The following SMC3 variants were observed in gnomAD, a reference collection of about 807,000 sequenced individuals.
SMC3 encodes structural maintenance of chromosomes 3, also known as structural maintenance of chromosomes protein 3.
SMC3 carries 20 observed loss-of-function variants against 171.8 expected under a neutral mutation model. The observed-to-expected ratio is 0.12, with a 90% CI of 0.08 to 0.17. The LOEUF is 0.17. Ranked by LOEUF, SMC3 falls within the 10% of genes least tolerant of loss-of-function variation. SMC3 has a pLI of 1.00. For synonymous variants in SMC3, 464 were observed against 451.1 expected, an observed-to-expected ratio of 1.03 and a Z score of -0.36; for missense variants, 543 against 1,420.4, an observed-to-expected ratio of 0.38 and a Z score of 9.93.
At chr10:110,581,181 G>A (rs1335857180) in intron 8 of SMC3, among the ~76,000 whole-genome samples, 160 bp downstream of exon 8, 1 of 150,274 alleles carries the variant, frequency 6.7e-6, no homozygotes, top group African/African-American at 2.4e-5. Context: ...AATGATGTTA[G>A]TAGCTTTTAA....
chr10:110,575,236 C>A (rs1346239815), intron 3 of SMC3, 100 bp from the exon 4 acceptor site: 7 of 839,940 alleles, frequency 8.3e-6, no homozygotes, highest in Non-Finnish European at 1.4e-5. Flanking sequence ...TTTGCATTGT[C>A]TATTACCAGA....
In SMC3 at chr10:110,605,892, TGTAAG is replaced by T. The variant is rs1225151099; in HGVS notation, c.*1596_*1600del. Among the ~76,000 whole-genome samples the T allele has an allele frequency of 6.6e-6, 1 of 152,182 alleles. No homozygotes were observed. Among genetic ancestry groups the T allele is most frequent in the African/African-American group, 2.4e-5 (1 of 41,440 alleles). On this transcript the variant is annotated 3_prime_UTR_variant, in exon 29 of 29. Coordinates refer to ENST00000361804, the MANE Select transcript of SMC3 (RefSeq NM_005445.4). ...CAACCCCTTATAATACAGAATTTGG[TGTAAG>T]GTAAGTTCCAGGATTCAATTCAAGG...
chr10:110,603,303 T>C lies in SMC3; in HGVS notation c.3582+13T>C. 1 of 1,433,492 alleles carries C rather than the reference T, an allele frequency of 7.0e-7. No individual in the cohort carries two copies. The highest frequency in any genetic ancestry group is 9.8e-7 in the Non-Finnish European group (1 of 1,018,306). 88.8% of individuals were successfully genotyped at this position (1,433,492 alleles called of 1,614,324 possible). On this transcript the variant is annotated intron_variant, in intron 28 of 28. Transcript: ENST00000361804. ...GTTCAGAAATAAGGTAATTTTATTT[T>C]ACATTGAGTTTAAGTTTGTATTTAT... is the stretch of plus-strand genomic sequence containing the variant.
chr10:110,603,336 T>C (rs748619349), intron 28 of SMC3, 46 bp downstream of exon 28: 3 of 1,190,614 alleles, frequency 2.5e-6, no homozygotes, highest in African/African-American at 1.5e-5. Context: ...TATTCAATTA[T>C]ATTTGTTGAA....
At chr10:110,600,696 C>G in intron 22 of SMC3, 150 bp downstream of exon 22, 1 of 665,474 alleles carries the variant, frequency 1.5e-6, no homozygotes, top group South Asian at 1.7e-5. Context: ...ATTCTGCCAC[C>G]TAGTGTGTGA....
intron 22 of SMC3, 107 bp downstream of exon 22, chr10:110,600,653 G>A: frequency 1.4e-6 from 1 of 725,678 alleles, no homozygotes; most frequent in South Asian, 1.5e-5. Context: ...TTTGGGGACA[G>A]AAAGCTTAGT....
intron 2 of SMC3, among the ~76,000 whole-genome samples, chr10:110,571,350 G>C (rs1028100947): frequency 1.4e-4 from 22 of 152,228 alleles, no homozygotes; most frequent in Admixed American, 8.5e-4. Flanking sequence ...AGAAGAGACA[G>C]GTGGTTTGCA....
At chr10:110,590,044 G>A (rs915329927) in intron 15 of SMC3, 53 bp downstream of exon 15, 96 of 1,485,806 alleles carry the variant, frequency 6.5e-5, no homozygotes, top group Middle Eastern at 3.4e-4. Flanking sequence ...TGAGTTAATC[G>A]TTATGTAATA....
At chr10:110,586,781 C>T (rs1334084873) in intron 13 of SMC3, among the ~76,000 whole-genome samples, 1 of 152,124 alleles carries the variant, frequency 6.6e-6, no homozygotes, top group African/African-American at 2.4e-5. Flanking sequence ...CCTCAGCCTC[C>T]CATGTAGCTG....
At chr10:110,603,822 G>A (rs769401704) in intron 28 of SMC3, among the ~76,000 whole-genome samples, 2 of 152,094 alleles carry the variant, frequency 1.3e-5, no homozygotes, top group South Asian at 2.1e-4. Flanking sequence ...TAGGCCGGGC[G>A]CAATGGCTCA....
intron 28 of SMC3, 141 bp downstream of exon 28, chr10:110,603,431 CT>C: frequency 1.6e-6 from 1 of 639,284 alleles, no homozygotes; most frequent in Non-Finnish European, 2.8e-6. Context: ...AGAACTTTTC[CT>C]TCAAATAACT....
Position 110,604,594 on chromosome 10 carries a change from C to A in SMC3, c.*292C>A. 1 of 342,928 alleles carries A rather than the reference C, an allele frequency of 2.9e-6. No individual in the cohort carries two copies. The highest frequency in any genetic ancestry group is 5.4e-6 in the Non-Finnish European group (1 of 183,670). 21.2% of individuals were successfully genotyped at this position (342,928 alleles called of 1,614,324 possible). A position where few individuals can be genotyped will look rare whatever the true frequency, so the allele number is the denominator to read the frequency against. On this transcript the variant is annotated 3_prime_UTR_variant, in exon 29 of 29. Coordinates refer to ENST00000361804, the MANE Select transcript of SMC3 (RefSeq NM_005445.4). ...CTAATTATTTTATCACTTATACTACCTTTTTTATAGCTTCAATTAAATAAT... is the reference window on the plus strand; with the variant it reads ...CTAATTATTTTATCACTTATACTACATTTTTTATAGCTTCAATTAAATAAT...
At chr10:110,595,125 G>A (rs897947843) in intron 18 of SMC3, among the ~76,000 whole-genome samples, 3 of 151,908 alleles carry the variant, frequency 2.0e-5, no homozygotes, top group African/African-American at 7.3e-5. Flanking sequence ...TGGGATTACA[G>A]ACATGCGCCA....
At chr10:110,574,198 G>A (rs779625929) in intron 3 of SMC3, among the ~76,000 whole-genome samples, 1 of 152,048 alleles carries the variant, frequency 6.6e-6, no homozygotes, top group Non-Finnish European at 1.5e-5. Flanking sequence ...TTTTGAAAAC[G>A]TTTTCTAAAC....
rs773417741 is a variant in SMC3 at position 110,584,258 on chromosome 10, A to G, written c.1167A>G (p.Glu389=). ...GAGGAAGCCAGTTTACATCAAAAGA[A>G]GAAAGGGATAAGTGGATTAAAAAGG... The part of the protein sequence containing the change: ...QGRGSQFTSK[E]ERDKWIKKEL... The change falls in exon 13 of 29, where the codon GAA becomes GAG. Residue 389 remains glutamate (E), a synonymous_variant. Transcript: ENST00000361804. 4.3e-6 allele frequency: 7 copies of G among 1,614,134 alleles called. No individual in the cohort carries two copies. The highest frequency in any genetic ancestry group is 5.1e-6 in the Non-Finnish European group (6 of 1,179,972).
chr10:110,580,849 T>A, intron 7 of SMC3, 55 bp from the exon 8 acceptor site: 1 of 950,202 alleles, frequency 1.1e-6, no homozygotes, highest in Non-Finnish European at 1.7e-6. Context: ...CGTGGAGTTC[T>A]TCTTCTTAAA....
At chr10:110,592,030 G>A (rs1861213092) in intron 17 of SMC3, among the ~76,000 whole-genome samples, 1 of 152,164 alleles carries the variant, frequency 6.6e-6, no homozygotes, top group South Asian at 2.1e-4. Context: ...TTGGGAGGGG[G>A]AGGTGGGCGG....
At chr10:110,570,408 A>G (rs532742969) in intron 2 of SMC3, among the ~76,000 whole-genome samples, 2 of 113,740 alleles carry the variant, frequency 1.8e-5, no homozygotes, top group East Asian at 5.2e-4. Context: ...GCAGCCTTGT[A>G]GTTGGGAATA....
intron 17 of SMC3, among the ~76,000 whole-genome samples, chr10:110,592,478 C>T (rs570455947): frequency 1.3e-5 from 2 of 151,952 alleles, no homozygotes; most frequent in Non-Finnish European, 2.9e-5. Context: ...CTACATTTTT[C>T]TATATATGGG....
Sources: allele counts gnomAD v4.1 joint callset (sites outside exome capture counted in the v4.1 genomes callset), GRCh38; gene constraint gnomAD v4.1.1; transcripts MANE v1.5; gene names NCBI Gene and HGNC (gene_info 2026-07-23, HGNC 2026-07-21).